Variants in GRM8 observed in about 807,000 individuals in gnomAD.
The protein encoded by GRM8 is glutamate metabotropic receptor 8.
A neutral mutation model predicts 87.2 loss-of-function variants in GRM8; 47 were observed. That is an observed-to-expected ratio of 0.54 (90% CI 0.43 to 0.69). The LOEUF (loss-of-function observed/expected upper bound fraction) is 0.69, where lower values mean the gene tolerates loss of function less well. GRM8 is among the 30% of genes least tolerant of loss of function. The pLI, the probability that GRM8 is intolerant of heterozygous loss-of-function variation, is 0.00. For missense variants in GRM8, 1,019 were observed against 1,139.2 expected, an observed-to-expected ratio of 0.89 and a Z score of 1.52; for synonymous variants, 396 against 404.5, an observed-to-expected ratio of 0.98 and a Z score of 0.25.
At chr7:127,010,304 C>T (rs1364771324) in intron 3 of GRM8, among the ~76,000 whole-genome samples, 1 of 152,124 alleles carries the variant, frequency 6.6e-6, no homozygotes, top group Non-Finnish European at 1.5e-5. Flanking sequence ...CTGTTTGCAA[C>T]AGAGAATACT....
At chr7:127,133,661 G>A (rs1186250488) in intron 2 of GRM8, among the ~76,000 whole-genome samples, 1 of 138,066 alleles carries the variant, frequency 7.2e-6, no homozygotes, top group Non-Finnish European at 1.5e-5. Context: ...AGCCGAGATC[G>A]CGCCACTGCA....
At chr7:127,147,136 G>A (rs1014654467) in intron 2 of GRM8, among the ~76,000 whole-genome samples, 1 of 151,940 alleles carries the variant, frequency 6.6e-6, no homozygotes, top group Non-Finnish European at 1.5e-5. Context: ...TAGACATAGA[G>A]GCACTAGATT....
intron 6 of GRM8, among the ~76,000 whole-genome samples, chr7:126,841,025 G>A (rs1796223205): frequency 6.6e-6 from 1 of 152,204 alleles, no homozygotes; most frequent in African/African-American, 2.4e-5. Context: ...TGCATGCATT[G>A]GCAGTATGCC....
At chr7:126,478,740 T>C (rs759630170) in intron 9 of GRM8, among the ~76,000 whole-genome samples, 15 of 152,106 alleles carry the variant, frequency 9.9e-5, no homozygotes, top group Non-Finnish European at 1.3e-4. Context: ...TGGGATAAGT[T>C]AGACCTAGAT....
intron 3 of GRM8, among the ~76,000 whole-genome samples, chr7:127,041,229 G>A (rs1300193892): frequency 2.6e-5 from 4 of 152,192 alleles, no homozygotes; most frequent in African/African-American, 7.2e-5. Context: ...CATAGACAGT[G>A]GACTGGGATC....
intron 6 of GRM8, among the ~76,000 whole-genome samples, chr7:126,866,550 A>T (rs1239702788): frequency 7.2e-6 from 1 of 139,620 alleles, no homozygotes; most frequent in East Asian, 2.1e-4. Context: ...TCCAGATCTT[A>T]CATTCAAGTC....
intron 3 of GRM8, among the ~76,000 whole-genome samples, chr7:127,052,749 C>G (rs1470758789): frequency 6.6e-6 from 1 of 152,112 alleles, no homozygotes; most frequent in African/African-American, 2.4e-5. Flanking sequence ...AACTAACTAG[C>G]TTTTTCAATG....
intron 3 of GRM8, among the ~76,000 whole-genome samples, chr7:126,987,325 G>A (rs1026430605): frequency 7.9e-5 from 12 of 152,032 alleles, no homozygotes; most frequent in Non-Finnish European, 1.5e-4. Context: ...CATCCCACTA[G>A]CTCATGTACC....
intron 7 of GRM8, among the ~76,000 whole-genome samples, chr7:126,646,262 AGAAGGAAGGAAGGAAG>A (rs201279417): frequency 1.6e-3 from 214 of 137,944 alleles, no homozygotes; most frequent in African/African-American, 5.4e-3. Context: ...AAGGAGGGAA[AGAAGGAAGGAAGGAAG>A]GAAGGAAGGA....
intron 2 of GRM8, among the ~76,000 whole-genome samples, chr7:127,140,941 G>C (rs1273949277): frequency 1.3e-5 from 2 of 151,994 alleles, no homozygotes; most frequent in Non-Finnish European, 2.9e-5. Flanking sequence ...TGATCCTCTA[G>C]GATTAGGACC....
At chr7:126,585,435 CA>C (rs1796012055) in intron 8 of GRM8, among the ~76,000 whole-genome samples, 1 of 152,144 alleles carries the variant, frequency 6.6e-6, no homozygotes, top group Admixed American at 6.6e-5. Context: ...ACCCGTTACA[CA>C]TTTTATGGAT....
chr7:127,082,847 G>A (rs1475349653), intron 3 of GRM8, among the ~76,000 whole-genome samples: 2 of 152,172 alleles, frequency 1.3e-5, no homozygotes, highest in Admixed American at 1.3e-4. Context: ...GTGGCAGGTG[G>A]GGCTTGGAGA....
intron 8 of GRM8, among the ~76,000 whole-genome samples, chr7:126,534,429 GTGTTTTGCCCC>G (rs1335025961): frequency 6.6e-6 from 1 of 152,146 alleles, no homozygotes; most frequent in Non-Finnish European, 1.5e-5. Flanking sequence ...CTATATTAAT[GTGTTTTGCCCC>G]TGTTTAGGCT....
chr7:126,984,391 A>T (rs1295091814), intron 3 of GRM8, among the ~76,000 whole-genome samples: 1 of 152,182 alleles, frequency 6.6e-6, no homozygotes, highest in African/African-American at 2.4e-5. Context: ...TGGGCTGGGA[A>T]AGGCAGACCC....
At chr7:127,045,475 A>G (rs2132440228) in intron 3 of GRM8, among the ~76,000 whole-genome samples, 1 of 152,300 alleles carries the variant, frequency 6.6e-6, no homozygotes, top group Non-Finnish European at 1.5e-5. Flanking sequence ...ACCTGATATC[A>G]TAAAAATATC....
At chr7:126,656,446 A>C (rs1804536221) in intron 7 of GRM8, among the ~76,000 whole-genome samples, 1 of 152,138 alleles carries the variant, frequency 6.6e-6, no homozygotes, top group South Asian at 2.1e-4. Context: ...TGGGAGGCCA[A>C]GGCGGGCGGA....
intron 7 of GRM8, among the ~76,000 whole-genome samples, chr7:126,610,315 A>G (rs143827300): frequency 6.6e-5 from 10 of 152,264 alleles, no homozygotes; most frequent in African/African-American, 2.4e-4. Context: ...CACTATCTAT[A>G]CAGACTTTCC....
intron 7 of GRM8, among the ~76,000 whole-genome samples, chr7:126,633,310 C>A (rs1159147197): frequency 6.6e-6 from 1 of 152,020 alleles, no homozygotes; most frequent in Non-Finnish European, 1.5e-5. Context: ...ACCAGTGAGT[C>A]CAGTTCAAGT....
intron 9 of GRM8, among the ~76,000 whole-genome samples, chr7:126,472,512 G>T (rs1455684460): frequency 6.6e-6 from 1 of 152,112 alleles, no homozygotes; most frequent in African/African-American, 2.4e-5. Context: ...CATTCACAAA[G>T]ATATGGTTTG....
Sources: allele counts gnomAD v4.1 joint callset (sites outside exome capture counted in the v4.1 genomes callset), GRCh38; gene constraint gnomAD v4.1.1; transcripts MANE v1.5; gene names NCBI Gene and HGNC (gene_info 2026-07-23, HGNC 2026-07-21).